CCDC88C: variants seen among roughly 807,000 people sequenced by gnomAD.
The protein encoded by CCDC88C is coiled-coil and HOOK domain protein 88C.
In CCDC88C, 131 loss-of-function variants were observed where a neutral mutation model predicts 198.8. The ratio of observed to expected loss-of-function variants is 0.66; its 90% CI spans 0.57 to 0.76. The LOEUF (loss-of-function observed/expected upper bound fraction) is 0.76, where lower values mean the gene tolerates loss of function less well. Ranked by LOEUF, CCDC88C falls within the 30% of genes least tolerant of loss-of-function variation. The pLI, the probability that CCDC88C is intolerant of heterozygous loss-of-function variation, is 0.00. For missense variants in CCDC88C, 2,553 were observed against 2,631.6 expected (o/e 0.97, Z 0.65); for synonymous variants, 1,166 against 1,114.7 (o/e 1.05, Z -0.92).
At chr14:91,277,289 C>T (rs956445359) in intron 29 of CCDC88C, among the ~76,000 whole-genome samples, 2 of 152,242 alleles carry the variant, frequency 1.3e-5, no homozygotes, top group African/African-American at 4.8e-5. Flanking sequence ...GCTGGGATTA[C>T]AGGCGTGAGC....
intron 29 of CCDC88C, among the ~76,000 whole-genome samples, chr14:91,275,852 C>A (rs559576270): frequency 1.1e-5 from 1 of 89,178 alleles, no homozygotes; most frequent in East Asian, 3.5e-4. Flanking sequence ...GACGGAGTTT[C>A]GCTCTGTCGC....
At chr14:91,319,796 C>T (rs1273621365) in intron 13 of CCDC88C, among the ~76,000 whole-genome samples, 2 of 152,068 alleles carry the variant, frequency 1.3e-5, no homozygotes, top group African/African-American at 2.4e-5. Flanking sequence ...GAGGCCGAGG[C>T]GGGTGGGCCA....
At chr14:91,385,095 A>C (rs1039903286) in intron 3 of CCDC88C, among the ~76,000 whole-genome samples, 1 of 152,164 alleles carries the variant, frequency 6.6e-6, no homozygotes, top group Admixed American at 6.5e-5. Flanking sequence ...GACAAGGTCC[A>C]CCAGGACACA....
At chr14:91,306,367 T>A (rs1048758960) in intron 18 of CCDC88C, among the ~76,000 whole-genome samples, 6 of 152,184 alleles carry the variant, frequency 3.9e-5, no homozygotes, top group Non-Finnish European at 8.8e-5. Context: ...CACTTCACAT[T>A]ATGTGAGACT....
At position 91,300,074 on chromosome 14, in the gene CCDC88C, T is replaced by C. The variant is rs777592906; in HGVS notation, c.3636-4A>G. 2.2e-5 allele frequency: 36 copies of C among 1,606,636 alleles called. No individual in the cohort carries two copies. In the East Asian group the frequency reaches 4.9e-4, roughly 22 times the overall value. Reference sequence around the variant, plus strand: ...GCGCTTCAGCATGTCACCGTGCCTGTTGGAGGGAAGCACCTGCCGTGAGTC... The same window carrying C: ...GCGCTTCAGCATGTCACCGTGCCTGCTGGAGGGAAGCACCTGCCGTGAGTC... On this transcript the variant is annotated splice_polypyrimidine_tract_variant and splice_region_variant and intron_variant, in intron 20 of 29. Coordinates refer to ENST00000389857, the MANE Select transcript of CCDC88C (RefSeq NM_001080414.4).
At chr14:91,393,215 C>T (rs763452600) in intron 3 of CCDC88C, among the ~76,000 whole-genome samples, 3 of 152,146 alleles carry the variant, frequency 2.0e-5, no homozygotes, top group Non-Finnish European at 4.4e-5. Flanking sequence ...TGCCCCAGGT[C>T]ACACCAGTGT....
intron 29 of CCDC88C, among the ~76,000 whole-genome samples, chr14:91,274,123 C>A (rs1394881952): frequency 6.6e-6 from 1 of 151,204 alleles, no homozygotes; most frequent in East Asian, 1.9e-4. Context: ...GGAACAAGAG[C>A]AGCTCTTGAA....
At chr14:91,328,761 C>A (rs921718432) in intron 10 of CCDC88C, among the ~76,000 whole-genome samples, 1 of 152,168 alleles carries the variant, frequency 6.6e-6, no homozygotes, top group Admixed American at 6.5e-5. Flanking sequence ...ATACTCCATG[C>A]GCAGCGCCTG....
chr14:91,334,439 G>A (rs1015214664), intron 10 of CCDC88C, among the ~76,000 whole-genome samples: 2 of 152,088 alleles, frequency 1.3e-5, no homozygotes, highest in Non-Finnish European at 2.9e-5. Context: ...GTAGAGATGG[G>A]GTTTCACCAT....
Position 91,283,383 on chromosome 14 carries a change from T to A in CCDC88C, c.4576A>T (p.Thr1526Ser), listed in dbSNP as rs778526185. 76 of 1,613,356 alleles carry A rather than the reference T, an allele frequency of 4.7e-5. No individual in the cohort carries two copies. Among genetic ancestry groups the A allele is most frequent in the Non-Finnish European group, 6.4e-5 (75 of 1,179,766 alleles). ...GSRTCSTSAT[T>S]TAPSNSTPIA... is the part of the protein sequence containing the mutation. Reference sequence around the variant, plus strand: ...GGGGTGGAGTTGGAAGGGGCTGTAGTGGTGGCTGAAGTTGAGCAAGTCCGG... The same window carrying A: ...GGGGTGGAGTTGGAAGGGGCTGTAGAGGTGGCTGAAGTTGAGCAAGTCCGG... The change falls in exon 26 of 30, where the codon ACT (threonine) becomes TCT (serine). Residue 1526 changes from threonine to serine, a missense_variant. This residue lies in a region of CCDC88C where 1,293 missense variants were observed against 1,219.6 expected (regional missense o/e 1.06). Coordinates refer to ENST00000389857, the MANE Select transcript of CCDC88C (RefSeq NM_001080414.4).
chr14:91,306,835 G>C (rs1801982263), intron 18 of CCDC88C, among the ~76,000 whole-genome samples: 2 of 152,264 alleles, frequency 1.3e-5, no homozygotes, highest in Admixed American at 1.3e-4. Flanking sequence ...CATGAAGGCT[G>C]TGTGTGCCCC....
chr14:91,339,899 C>T lies in CCDC88C; in HGVS notation c.609G>A (p.Arg203=). 1.3e-6 allele frequency: 2 copies of T among 1,589,322 alleles called. No individual in the cohort carries two copies. The highest frequency in any genetic ancestry group is 1.7e-6 in the Non-Finnish European group (2 of 1,169,064). The change falls in exon 7 of 30, where the codon CGG becomes CGA. Residue 203 remains arginine, a synonymous_variant. Transcript: ENST00000389857. The surrounding 1 kb of genome is among the most constrained non-coding windows in gnomAD (Gnocchi z 5.8). ...VLHLRRLIDQ[R]DECTELIVDL... is the part of the protein sequence containing the mutation. The stretch of plus-strand genomic sequence containing the variant: ...GCGGACGCACCTCGGTGCACTCGTC[C>T]CGCTGGTCGATGAGCCTCCGCAGGT...
At chr14:91,331,074 C>T (rs1892804208) in intron 10 of CCDC88C, among the ~76,000 whole-genome samples, 2 of 144,890 alleles carry the variant, frequency 1.4e-5, no homozygotes, top group South Asian at 4.7e-4. Flanking sequence ...TCAGGAGCGC[C>T]CCTTTACTGG....
rs1201385614 is a variant in CCDC88C, at chr14:91,284,733, T to G, written c.4442-1216A>C. Among the ~76,000 whole-genome samples the G allele has an allele frequency of 6.6e-6, 1 of 152,252 alleles. No individual in the cohort carries two copies. Among genetic ancestry groups the G allele is most frequent in the Non-Finnish European group, 1.5e-5 (1 of 68,052 alleles). ...GTTTATTCTTATGATTACCTTGTTTTTATGATGATATGTGTGTTTTCCACT... is the reference window on the plus strand; with the variant it reads ...GTTTATTCTTATGATTACCTTGTTTGTATGATGATATGTGTGTTTTCCACT... On this transcript the variant is annotated intron_variant, in intron 25 of 29. Coordinates refer to ENST00000389857, the MANE Select transcript of CCDC88C (RefSeq NM_001080414.4). The surrounding 1 kb of genome is among the most constrained non-coding windows in gnomAD (Gnocchi z 4.1).
rs540503061 is a variant in CCDC88C at position 91,369,647 on chromosome 14, G to T, written c.271-9936C>A. Among the ~76,000 whole-genome samples the T allele has an allele frequency of 5.9e-5, 9 of 152,290 alleles. No homozygotes were observed. The South Asian group carries it at 1.7e-3, about 28-fold the overall frequency. On this transcript the variant is annotated intron_variant, in intron 3 of 29. Transcript: ENST00000389857. ...GCACAAAGCCCAGGCCCACATGCTT[G>T]TAACTCCATCTGCACAAGAGGCTCT... is the stretch of plus-strand genomic sequence containing the variant.
intron 14 of CCDC88C, among the ~76,000 whole-genome samples, chr14:91,314,934 C>T (rs1373133471): frequency 2.0e-5 from 3 of 152,268 alleles, no homozygotes; most frequent in South Asian, 2.1e-4. Context: ...CCCAGGAGTT[C>T]GAGACCGGCC....
In CCDC88C at chr14:91,365,673, C is replaced by T. The variant is rs1346105091; in HGVS notation, c.271-5962G>A. 1.3e-5 allele frequency among the ~76,000 whole-genome samples: 2 copies of T among 152,114 alleles called. 1 individual carries two copies. Among genetic ancestry groups the T allele is most frequent in the South Asian group, 4.1e-4 (2 of 4,826 alleles). On this transcript the variant is annotated intron_variant, in intron 3 of 29. Coordinates refer to ENST00000389857, the MANE Select transcript of CCDC88C (RefSeq NM_001080414.4). ...GTACCTTAAATGACATCCTTAGCCC[C>T]GCTCTGAGAACAAGTATGTAGACCC... is the stretch of plus-strand genomic sequence containing the variant.
In CCDC88C at chr14:91,300,067, G is replaced by A. The variant is rs546232280; in HGVS notation, c.3639C>T (p.His1213=). The A allele has an allele frequency of 1.9e-4, 303 of 1,607,382 alleles. No individual in the cohort carries two copies. In the South Asian group the frequency reaches 2.7e-3, roughly 14 times the overall value. Residue 1213 remains histidine, a synonymous_variant, in exon 21 of 30, where the codon CAC becomes CAT. Coordinates refer to ENST00000389857, the MANE Select transcript of CCDC88C (RefSeq NM_001080414.4). ...ELEHKELGER[H]GDMLKRKAEL... is the part of the protein sequence containing the mutation. ...CCGCCTTGCGCTTCAGCATGTCACC[G>A]TGCCTGTTGGAGGGAAGCACCTGCC...
In CCDC88C at chr14:91,307,080, C is replaced by T. The variant is rs1418551025; in HGVS notation, c.3153G>A (p.Glu1051=). ...WGPGHKEATM[E]LLRVKDRAIE... is the part of the protein sequence containing the mutation. ...TGGCCCGGTCCTTCACTCGGAGAAG[C>T]TCCATGGTGGCTTCCTTATGGCCGG... is the stretch of plus-strand genomic sequence containing the variant. The change falls in exon 18 of 30, where the codon GAG becomes GAA. Residue 1051 remains glutamate (E), a synonymous_variant. Coordinates refer to ENST00000389857, the MANE Select transcript of CCDC88C (RefSeq NM_001080414.4). 2.5e-6 allele frequency: 4 copies of T among 1,613,842 alleles called. No individual in the cohort carries two copies. The Admixed American group carries it at 6.7e-5, about 27-fold the overall frequency.
Sources: allele counts gnomAD v4.1 joint callset (sites outside exome capture counted in the v4.1 genomes callset), GRCh38; gene constraint gnomAD v4.1.1; regional missense constraint gnomAD v4.1.1; non-coding constraint Gnocchi (gnomAD v3.1); transcripts MANE v1.5; gene names NCBI Gene and HGNC (gene_info 2026-07-23, HGNC 2026-07-21).